The following GFM2 variants were observed in gnomAD, a reference collection of about 807,000 sequenced individuals.
The protein encoded by GFM2 is ribosome-releasing factor 2, mitochondrial.
A neutral mutation model predicts 95.4 loss-of-function variants in GFM2; 72 were observed. The ratio of observed to expected loss-of-function variants is 0.76; its 90% CI spans 0.62 to 0.92. The LOEUF (loss-of-function observed/expected upper bound fraction) is 0.92. Ranked by LOEUF, GFM2 falls within the 40% of genes least tolerant of loss-of-function variation. The probability of loss-of-function intolerance (pLI) is 0.00; values close to 1 mark genes in which losing one functional copy is unlikely to be tolerated. For missense variants in GFM2, 825 were observed against 924.1 expected (o/e 0.89, Z 1.39); for synonymous variants, 276 against 317.5 (o/e 0.87, Z 1.39).
At chr5:74,757,531 C>T (rs1417969277) in intron 5 of GFM2, among the ~76,000 whole-genome samples, 1 of 151,874 alleles carries the variant, frequency 6.6e-6, no homozygotes, top group Admixed American at 6.6e-5. Context: ...CAGTTTGAGA[C>T]CAGCCTGAGC....
intron 19 of GFM2, among the ~76,000 whole-genome samples, chr5:74,723,327 A>G (rs1579963450): frequency 6.6e-6 from 1 of 152,196 alleles, no homozygotes; most frequent in Non-Finnish European, 1.5e-5. Flanking sequence ...GCTTTGGGAT[A>G]GTGTCTGAAT....
rs57180600 is a variant in GFM2, at chr5:74,728,748, CTTTTTTTTTT to C, written c.1726+1502_1726+1511del. Among the ~76,000 whole-genome samples, 148 of 58,246 alleles carry C rather than the reference CTTTTTTTTTT, an allele frequency of 2.5e-3. No individual in the cohort carries two copies. In the Middle Eastern group the frequency reaches 0.039, roughly 16 times the overall value. The allele number at this position is 58,246 out of a possible 152,430, so 38.2% of individuals were successfully genotyped here. A position where few individuals can be genotyped will look rare whatever the true frequency, so the allele number is the denominator to read the frequency against. On this transcript the variant is annotated intron_variant, in intron 17 of 20. Coordinates refer to ENST00000296805, the MANE Select transcript of GFM2 (RefSeq NM_032380.5). ...AATATTCTTTTATGTGTGGGGGTTT[CTTTTTTTTTT>C]TTTTTTTTTTTTTTTTGAGATGGCG...
chr5:74,727,078 G>A (rs2112216819), intron 17 of GFM2, among the ~76,000 whole-genome samples: 1 of 152,220 alleles, frequency 6.6e-6, no homozygotes, highest in South Asian at 2.1e-4. Flanking sequence ...TGAGGCGGGA[G>A]GATTGCTGGA....
Position 74,721,736 on chromosome 5 carries a change from A to G in GFM2, c.2259T>C (p.Phe753=). 1 of 1,613,716 alleles carries G rather than the reference A, an allele frequency of 6.2e-7. No individual in the cohort carries two copies. The part of the protein sequence containing the change: ...LRTLTSGSAT[F]ALELSTYQAM... ...CTTGATAAGTAGATAGTTCTAAGGCAAAAGTAGCTGAGCCTGATGTTAGCG... is the reference window on the plus strand; with the variant it reads ...CTTGATAAGTAGATAGTTCTAAGGCGAAAGTAGCTGAGCCTGATGTTAGCG... Residue 753 remains phenylalanine (F), a synonymous_variant, in exon 21 of 21, where the codon TTT becomes TTC. Transcript: ENST00000296805.
chr5:74,759,202 T>G (rs965956575), intron 4 of GFM2, among the ~76,000 whole-genome samples, 167 bp downstream of exon 4: 2 of 151,032 alleles, frequency 1.3e-5, no homozygotes, highest in African/African-American at 5.0e-5. Context: ...TTAAAAATTT[T>G]TAGCATTAAT....
chr5:74,742,417 A>T (rs1459359878), intron 10 of GFM2, among the ~76,000 whole-genome samples: 1 of 152,188 alleles, frequency 6.6e-6, no homozygotes, highest in Non-Finnish European at 1.5e-5. Flanking sequence ...AATTTTGGTC[A>T]AGTTATTTCA....
chr5:74,740,184 T>C, intron 11 of GFM2, 47 bp from the exon 12 acceptor site: 6 of 1,527,118 alleles, frequency 3.9e-6, no homozygotes, highest in Non-Finnish European at 5.3e-6. Context: ...GTACTGGTCT[T>C]GGCGAGAAGC....
At chr5:74,729,092 G>GA (rs1330653219) in intron 17 of GFM2, among the ~76,000 whole-genome samples, 3 of 152,130 alleles carry the variant, frequency 2.0e-5, no homozygotes, top group Admixed American at 6.5e-5. Context: ...TATCTTTGGA[G>GA]AAGCCCTTTT....
At chr5:74,731,382 A>G (rs1311467347) in intron 16 of GFM2, among the ~76,000 whole-genome samples, 1 of 152,142 alleles carries the variant, frequency 6.6e-6, no homozygotes, top group Non-Finnish European at 1.5e-5. Context: ...TATGGAAGGG[A>G]CTGGAGACTA....
intron 7 of GFM2, among the ~76,000 whole-genome samples, chr5:74,748,925 AAT>A (rs1302122546): frequency 7.3e-6 from 1 of 136,606 alleles, no homozygotes; most frequent in African/African-American, 2.8e-5. Context: ...AATAAAAAAA[AAT>A]AAAAAAAATA....
chr5:74,765,105 A>G, intron 1 of GFM2: 1 of 1,256,710 alleles, frequency 8.0e-7, no homozygotes, highest in Non-Finnish European at 1.0e-6. Flanking sequence ...TTCCCTTTTC[A>G]TTGGTAACGC....
rs1744128471 is a variant in GFM2, at chr5:74,758,841, A to G, written c.304+8T>C. ...GGGGGGGTGGGAAGAGGAGGAATCC[A>G]TTCTAACCTCCCAGTGATCTTGTAT... On this transcript the variant is annotated splice_region_variant and intron_variant, in intron 5 of 20. Transcript: ENST00000296805. The G allele has an allele frequency of 6.4e-7, 1 of 1,554,632 alleles. No homozygotes were observed. The highest frequency in any genetic ancestry group is 1.7e-5 in the Admixed American group (1 of 59,154).
rs367671559 is a variant in GFM2, at chr5:74,732,698, C to T, written c.1587+324G>A. On this transcript the variant is annotated intron_variant, in intron 16 of 20. Transcript: ENST00000296805. Reference sequence around the variant, plus strand: ...AGTATGCTTCTTTTATAAGCCTTAACGTAAAAGGCTCAAGGCTTTGCCTTG... The same window carrying T: ...AGTATGCTTCTTTTATAAGCCTTAATGTAAAAGGCTCAAGGCTTTGCCTTG... Among the ~76,000 whole-genome samples, 9 of 152,060 alleles carry T rather than the reference C, an allele frequency of 5.9e-5. No homozygotes were observed. The East Asian group carries it at 9.7e-4, about 16-fold the overall frequency.
At chr5:74,763,912 C>A in intron 1 of GFM2, 146 bp from the exon 2 acceptor site, 3 of 505,752 alleles carry the variant, frequency 5.9e-6, no homozygotes, top group South Asian at 3.5e-5. Context: ...ACCAAAAATT[C>A]AATGCATCAT....
chr5:74,729,345 A>C (rs1384796591), intron 17 of GFM2, among the ~76,000 whole-genome samples: 1 of 152,190 alleles, frequency 6.6e-6, no homozygotes, highest in Non-Finnish European at 1.5e-5. Flanking sequence ...TTCCATGAGG[A>C]TATGGCTCTC....
intron 1 of GFM2, among the ~76,000 whole-genome samples, chr5:74,766,329 A>G (rs1176779409): frequency 1.3e-5 from 2 of 152,336 alleles, no homozygotes; most frequent in East Asian, 3.9e-4. Context: ...ACAAAAACAA[A>G]AACAAAATAC....
chr5:74,741,317 A>C (rs1391163992), intron 11 of GFM2, among the ~76,000 whole-genome samples: 1 of 152,138 alleles, frequency 6.6e-6, no homozygotes, highest in East Asian at 1.9e-4. Context: ...TTCAATTTTT[A>C]ATTTTGTAAA....
At chr5:74,756,738 T>A (rs1449293770) in intron 5 of GFM2, among the ~76,000 whole-genome samples, 2 of 152,044 alleles carry the variant, frequency 1.3e-5, no homozygotes, top group Non-Finnish European at 2.9e-5. Flanking sequence ...AATAATGGCA[T>A]TCGCAGCAAC....
chr5:74,747,581 C>T, intron 8 of GFM2, 111 bp downstream of exon 8: 35 of 595,274 alleles, frequency 5.9e-5, no homozygotes, highest in South Asian at 1.2e-4. Flanking sequence ...ATATTTATAC[C>T]CTATAATACA....
Sources: gnomAD v4.1 joint callset for allele counts (sites outside exome capture counted in the v4.1 genomes callset) on GRCh38, gnomAD v4.1.1 for gene constraint, MANE v1.5 for transcripts, NCBI Gene and HGNC (gene_info 2026-07-23, HGNC 2026-07-21) for gene names.